The following SLC22A23 variants were observed in gnomAD, a reference collection of about 807,000 sequenced individuals.
The protein encoded by SLC22A23 is solute carrier family 22 member 23, also known as ion transporter protein.
Under a neutral mutation model 61.0 loss-of-function variants are expected in SLC22A23, and 26 were observed. The ratio of observed to expected loss-of-function variants is 0.43; its 90% CI spans 0.31 to 0.59. The LOEUF (loss-of-function observed/expected upper bound fraction) is 0.59, where lower values mean the gene tolerates loss of function less well. Ranked by LOEUF, SLC22A23 falls within the 20% of genes least tolerant of loss-of-function variation. SLC22A23 has a pLI of 0.11. For synonymous variants in SLC22A23, 430 were observed against 413.9 expected, an observed-to-expected ratio of 1.04 and a Z score of -0.47; for missense variants, 796 against 934.7, an observed-to-expected ratio of 0.85 and a Z score of 1.94.
chr6:3,366,700 C>G (rs1173151955), intron 3 of SLC22A23, among the ~76,000 whole-genome samples: 2 of 152,172 alleles, frequency 1.3e-5, no homozygotes, highest in African/African-American at 2.4e-5. Context: ...CTCTCATAAG[C>G]TAAACATCAG....
rs1413948424 is a variant in SLC22A23 at position 3,270,918 on chromosome 6, T to A, written c.*2137A>T. ...CATATCCTTCCACAACACAGTACAGTAAGTGGACTGCAGGGTGGCCTGGTG... is the reference window on the plus strand; with the variant it reads ...CATATCCTTCCACAACACAGTACAGAAAGTGGACTGCAGGGTGGCCTGGTG... On this transcript the variant is annotated 3_prime_UTR_variant, in exon 10 of 10. Coordinates refer to ENST00000406686, the MANE Select transcript of SLC22A23 (RefSeq NM_015482.2). The A allele has an allele frequency of 6.6e-6, 1 of 152,020 alleles. No homozygotes were observed. The highest frequency in any genetic ancestry group is 1.5e-5 in the Non-Finnish European group (1 of 68,078). The allele number at this position is 152,020 out of a possible 1,614,324, so 9.4% of individuals were successfully genotyped here.
rs530939261 is a variant in SLC22A23, at chr6:3,445,007, G to A, written c.654+10899C>T. 6 of 985,388 alleles carry A rather than the reference G, an allele frequency of 6.1e-6. No individual in the cohort carries two copies. In the South Asian group the frequency reaches 2.3e-4, roughly 39 times the overall value. 61.0% of individuals were successfully genotyped at this position (985,388 alleles called of 1,614,324 possible). Reference sequence around the variant, plus strand: ...GGCACCTGAGGCTTCCAGGGTGGGGGCTGTTTGCCAGGTACGTGGGGGTGG... The same window carrying A: ...GGCACCTGAGGCTTCCAGGGTGGGGACTGTTTGCCAGGTACGTGGGGGTGG... On this transcript the variant is annotated intron_variant, in intron 1 of 9. Transcript: ENST00000406686.
intron 3 of SLC22A23, among the ~76,000 whole-genome samples, chr6:3,336,101 A>G (rs186654372): frequency 0.012 from 1,854 of 151,044 alleles, 22 homozygotes; most frequent in Non-Finnish European, 0.016. Context: ...AAAAAAAAAA[A>G]GAGAGAAATC....
intron 4 of SLC22A23, among the ~76,000 whole-genome samples, chr6:3,321,642 T>C (rs4959816): frequency 0.84 from 128,154 of 152,060 alleles, 54,307 homozygotes; most frequent in African/African-American, 0.9. Flanking sequence ...ATAACTGGAG[T>C]TGCTCTGGAA....
chr6:3,276,666 G>A (rs1758937481), intron 9 of SLC22A23: 1 of 152,322 alleles, frequency 6.6e-6, no homozygotes, highest in Non-Finnish European at 1.5e-5. Flanking sequence ...GCTCAGCCGA[G>A]CTCCCACAGG....
rs948820961 is a variant in SLC22A23 at position 3,324,086 on chromosome 6, G to T, written c.914-84C>A. ...CTGGGTGCACCTGGGCCAGTGCACT[G>T]CTTAACCCACCAACGACTGAAATTG... is the stretch of plus-strand genomic sequence containing the variant. On this transcript the variant is annotated intron_variant, in intron 3 of 9. Coordinates refer to ENST00000406686, the MANE Select transcript of SLC22A23 (RefSeq NM_015482.2). The surrounding 1 kb of genome is among the most constrained non-coding windows in gnomAD (Gnocchi z 4.3). The T allele has an allele frequency of 6.7e-7, 1 of 1,487,572 alleles. No individual in the cohort carries two copies. Among genetic ancestry groups the T allele is most frequent in the Non-Finnish European group, 9.2e-7 (1 of 1,087,576 alleles). 92.1% of individuals were successfully genotyped at this position (1,487,572 alleles called of 1,614,324 possible).
chr6:3,399,759 T>C (rs185633770), intron 3 of SLC22A23, among the ~76,000 whole-genome samples: 228 of 152,324 alleles, frequency 1.5e-3, no homozygotes, highest in African/African-American at 5.0e-3. Context: ...CTGTGAGTGA[T>C]GGATACTCAG....
At chr6:3,371,409 G>C (rs1487513291) in intron 3 of SLC22A23, among the ~76,000 whole-genome samples, 6 of 152,222 alleles carry the variant, frequency 3.9e-5, no homozygotes, top group Non-Finnish European at 8.8e-5. Flanking sequence ...AAATTTTCAT[G>C]TGTCACAAAA....
Position 3,360,972 on chromosome 6 carries a change from G to A in SLC22A23, c.914-36970C>T, listed in dbSNP as rs1409328175. On this transcript the variant is annotated intron_variant, in intron 3 of 9. Coordinates refer to ENST00000406686, the MANE Select transcript of SLC22A23 (RefSeq NM_015482.2). This position sits in a 1 kb window ranked among gnomAD's most constrained non-coding sequence, Gnocchi z 4.6. ...GCTAGCGAACATCAGCAGCTGCGGG[G>A]AGCTCGAGGCAGCAGGGATGTCCAG... 6.6e-6 allele frequency among the ~76,000 whole-genome samples: 1 copy of A among 152,196 alleles called. No individual in the cohort carries two copies. Among genetic ancestry groups the A allele is most frequent in the African/African-American group, 2.4e-5 (1 of 41,444 alleles).
At position 3,317,341 on chromosome 6, in the gene SLC22A23, A is replaced by C. The variant is rs548269091; in HGVS notation, c.1082+6493T>G. 2.0e-5 allele frequency among the ~76,000 whole-genome samples: 3 copies of C among 152,316 alleles called. No individual in the cohort carries two copies. In the South Asian group the frequency reaches 6.2e-4, roughly 32 times the overall value. ...CCAGTGCAGGCTGTGGCCACCTGGA[A>C]GGGGCACCTTTCCGCAGTGTGCACA... On this transcript the variant is annotated intron_variant, in intron 4 of 9. Coordinates refer to ENST00000406686, the MANE Select transcript of SLC22A23 (RefSeq NM_015482.2). This position sits in a 1 kb window ranked among gnomAD's most constrained non-coding sequence, Gnocchi z 4.4.
At chr6:3,276,014 C>T (rs1211902477) in intron 9 of SLC22A23, among the ~76,000 whole-genome samples, 3 of 152,218 alleles carry the variant, frequency 2.0e-5, no homozygotes, top group Non-Finnish European at 4.4e-5. Context: ...CCAGGTGGCC[C>T]TCATAAACCA....
intron 3 of SLC22A23, among the ~76,000 whole-genome samples, chr6:3,403,722 A>G (rs1768598202): frequency 1.3e-5 from 2 of 152,228 alleles, no homozygotes; most frequent in Admixed American, 1.3e-4. Flanking sequence ...TCAACACTGA[A>G]GGAGGCTAAT....
chr6:3,283,990 GA>G lies in SLC22A23; in HGVS notation c.1580-16del, dbSNP rs1759729938. ...GTCACTCATCCCTGGGGGAAGGTCA[GA>G]AGAAGGTGGTGAGGGAAGAGAGGAA... is the stretch of plus-strand genomic sequence containing the variant. On this transcript the variant is annotated splice_polypyrimidine_tract_variant and intron_variant, in intron 8 of 9. Coordinates refer to ENST00000406686, the MANE Select transcript of SLC22A23 (RefSeq NM_015482.2). 10 of 1,594,900 alleles carry G rather than the reference GA, an allele frequency of 6.3e-6. No homozygotes were observed. In the East Asian group the frequency reaches 2.3e-4, roughly 36 times the overall value.
At chr6:3,442,828 A>G (rs75473691) in intron 1 of SLC22A23, among the ~76,000 whole-genome samples, 1 of 151,972 alleles carries the variant, frequency 6.6e-6, no homozygotes, top group South Asian at 2.1e-4. Flanking sequence ...AAAAAAAAAA[A>G]CACCTGATAA....
At chr6:3,446,278 T>C (rs1176972115) in intron 1 of SLC22A23, among the ~76,000 whole-genome samples, 1 of 152,098 alleles carries the variant, frequency 6.6e-6, no homozygotes, top group Non-Finnish European at 1.5e-5. Context: ...CAAACCCTAA[T>C]AGGTTGGTGG....
At chr6:3,388,905 G>A (rs1207121866) in intron 3 of SLC22A23, among the ~76,000 whole-genome samples, 1 of 152,102 alleles carries the variant, frequency 6.6e-6, no homozygotes, top group Non-Finnish European at 1.5e-5. Context: ...GTTCCCAGGG[G>A]CTGTGGGGAG....
At chr6:3,278,138 T>C (rs1759084387) in intron 9 of SLC22A23, among the ~76,000 whole-genome samples, 1 of 152,214 alleles carries the variant, frequency 6.6e-6, no homozygotes, top group Admixed American at 6.5e-5. Flanking sequence ...AGATAGTAGA[T>C]GCATGCTACT....
At chr6:3,295,480 T>C (rs1292082438) in intron 5 of SLC22A23, among the ~76,000 whole-genome samples, 1 of 152,050 alleles carries the variant, frequency 6.6e-6, no homozygotes, top group Non-Finnish European at 1.5e-5. Flanking sequence ...TGGGAGGCAC[T>C]GGAGAGGCTT....
At chr6:3,432,505 G>A (rs115369027) in intron 1 of SLC22A23, among the ~76,000 whole-genome samples, 9 of 152,266 alleles carry the variant, frequency 5.9e-5, no homozygotes, top group African/African-American at 1.7e-4. Context: ...CTAGCTCTCC[G>A]CTTTGGCTCA....
Sources: allele counts gnomAD v4.1 joint callset (sites outside exome capture counted in the v4.1 genomes callset), GRCh38; gene constraint gnomAD v4.1.1; non-coding constraint Gnocchi (gnomAD v3.1); transcripts MANE v1.5; gene names NCBI Gene and HGNC (gene_info 2026-07-23, HGNC 2026-07-21).